Variants in CLSTN2 observed in about 807,000 individuals in gnomAD.
The protein encoded by CLSTN2 is calsyntenin 2.
Under a neutral mutation model 101.2 loss-of-function variants are expected in CLSTN2, and 48 were observed. The ratio of observed to expected loss-of-function variants is 0.47; its 90% confidence interval spans 0.38 to 0.60. The LOEUF is 0.60. CLSTN2 is among the 20% of genes least tolerant of loss of function. The pLI is 0.00. For missense variants in CLSTN2, 1,160 were observed against 1,238.2 expected (o/e 0.94, Z 0.95); for synonymous variants, 481 against 463.6 (o/e 1.04, Z -0.48).
In CLSTN2 at chr3:140,546,644, A is replaced by T. The variant is rs1426243047; in HGVS notation, c.1637A>T (p.Asp546Val). 2 of 1,613,774 alleles carry T rather than the reference A, an allele frequency of 1.2e-6. No homozygotes were observed. Among genetic ancestry groups the T allele is most frequent in the Non-Finnish European group, 1.7e-6 (2 of 1,179,924 alleles). ...SCLQACKEGL[D>V]INSLESLGQG... ...CTGCAGGCCTGCAAGGAAGGGCTGG[A>T]CATTAATTCCTTGGAAAGCCTTGGC... Residue 546 changes from aspartate (D) to valine (V), a missense_variant, in exon 10 of 17, where the codon GAC becomes GTC. By Grantham distance (152) the Asp-to-Val change is radical. Coordinates refer to ENST00000458420, the MANE Select transcript of CLSTN2 (RefSeq NM_022131.3).
intron 2 of CLSTN2, among the ~76,000 whole-genome samples, chr3:140,339,094 T>C (rs1297138387): frequency 1.3e-5 from 2 of 152,218 alleles, no homozygotes; most frequent in South Asian, 2.1e-4. Flanking sequence ...ATCTGCTCCT[T>C]GGATGCTGGC....
intron 5 of CLSTN2, among the ~76,000 whole-genome samples, chr3:140,436,234 T>C (rs145852010): frequency 2.1e-3 from 322 of 152,348 alleles, no homozygotes; most frequent in African/African-American, 7.4e-3. Context: ...TATTTAAGTG[T>C]TTAATTCATT....
chr3:140,114,497 C>T (rs530234002), intron 1 of CLSTN2, among the ~76,000 whole-genome samples: 1 of 152,274 alleles, frequency 6.6e-6, no homozygotes, highest in South Asian at 2.1e-4. Context: ...GCTGAATCAC[C>T]TAGCCCAAGC....
At chr3:140,161,373 A>G (rs1367910313) in intron 1 of CLSTN2, among the ~76,000 whole-genome samples, 1 of 152,174 alleles carries the variant, frequency 6.6e-6, no homozygotes, top group Non-Finnish European at 1.5e-5. Context: ...AGTTTCTCCA[A>G]CCAGGTTGCA....
chr3:140,433,841 G>A (rs1188052202), intron 5 of CLSTN2, among the ~76,000 whole-genome samples: 1 of 152,224 alleles, frequency 6.6e-6, no homozygotes, highest in Non-Finnish European at 1.5e-5. Flanking sequence ...TGGCCAGCCT[G>A]TCAGCATTAT....
At chr3:140,307,576 C>T (rs150144125) in intron 2 of CLSTN2, among the ~76,000 whole-genome samples, 157 of 152,270 alleles carry the variant, frequency 1.0e-3, no homozygotes, top group Admixed American at 3.6e-3. Flanking sequence ...ACTTTGGAGG[C>T]GGTACTTAGT....
intron 5 of CLSTN2, among the ~76,000 whole-genome samples, chr3:140,444,385 G>A (rs994318190): frequency 1.3e-5 from 2 of 151,538 alleles, no homozygotes; most frequent in African/African-American, 2.4e-5. Flanking sequence ...GGCTGAGATT[G>A]TGCCATTGCA....
chr3:140,257,561 GGTGTGTGTGTGTGTGT>G (rs397877641), intron 2 of CLSTN2, among the ~76,000 whole-genome samples: 2 of 93,008 alleles, frequency 2.2e-5, no homozygotes, highest in Admixed American at 9.0e-5. Context: ...TCTTTCTAGG[GGTGTGTGTGTGTGTGT>G]GTGTGTGTGT....
intron 1 of CLSTN2, among the ~76,000 whole-genome samples, chr3:139,949,251 G>A (rs1022250607): frequency 3.9e-5 from 6 of 152,160 alleles, no homozygotes; most frequent in Admixed American, 2.6e-4. Context: ...TCTCAGACTC[G>A]GTCTAACGCT....
Position 140,036,457 on chromosome 3 carries a change from T to C in CLSTN2, c.109+100974T>C, listed in dbSNP as rs140732556. 7.0e-4 allele frequency among the ~76,000 whole-genome samples: 107 copies of C among 152,276 alleles called. No homozygotes were observed. The East Asian group carries it at 0.015, about 21-fold the overall frequency. On this transcript the variant is annotated intron_variant, in intron 1 of 16. Coordinates refer to ENST00000458420, the MANE Select transcript of CLSTN2 (RefSeq NM_022131.3). ...AGAATCAGAGGGCATTGTTCATCTC[T>C]ACCTTTTCTAGTTGATACTTTTGTT...
chr3:140,488,463 T>C (rs1934281147), intron 8 of CLSTN2, among the ~76,000 whole-genome samples: 1 of 151,912 alleles, frequency 6.6e-6, no homozygotes, highest in Admixed American at 6.6e-5. Context: ...TCAATGATGG[T>C]AATGAATGTA....
At chr3:140,124,210 G>A (rs768763140) in intron 1 of CLSTN2, among the ~76,000 whole-genome samples, 6 of 152,152 alleles carry the variant, frequency 3.9e-5, no homozygotes, top group Non-Finnish European at 7.3e-5. Context: ...TTGAAAAATA[G>A]AAGCCTAGTA....
chr3:140,530,599 C>T (rs1446634435), intron 8 of CLSTN2, among the ~76,000 whole-genome samples: 2 of 152,190 alleles, frequency 1.3e-5, no homozygotes, highest in Non-Finnish European at 2.9e-5. Context: ...TGAAATAATG[C>T]CAGAGGATTA....
At chr3:140,519,604 T>TC (rs377754289) in intron 8 of CLSTN2, among the ~76,000 whole-genome samples, 3,412 of 152,186 alleles carry the variant, frequency 0.022, 52 homozygotes, top group Middle Eastern at 0.044. Flanking sequence ...TCTTTTTTTT[T>TC]CTTTATTGGT....
Position 140,556,469 on chromosome 3 carries a change from A to T in CLSTN2, c.1675-44A>T, listed in dbSNP as rs7641958. ...GAAGTGCTCCCATAAAACCATGTAC[A>T]TCACTGACCATTCTCTTCCATGATG... On this transcript the variant is annotated intron_variant, in intron 10 of 16. Transcript: ENST00000458420. 3,754 of 1,607,632 alleles carry T rather than the reference A, an allele frequency of 2.3e-3. 57 individuals are homozygous for T. The African/African-American group carries it at 0.036, about 16-fold the overall frequency.
intron 1 of CLSTN2, among the ~76,000 whole-genome samples, chr3:140,026,337 T>G (rs1393447762): frequency 6.6e-6 from 1 of 152,132 alleles, no homozygotes; most frequent in Non-Finnish European, 1.5e-5. Context: ...TTTCAGTAAG[T>G]AAAATAAATA....
intron 2 of CLSTN2, among the ~76,000 whole-genome samples, chr3:140,358,211 C>G (rs905733105): frequency 5.3e-5 from 8 of 152,196 alleles, no homozygotes; most frequent in South Asian, 2.1e-4. Context: ...GCCAAGCCCC[C>G]CCTCCATCTG....
chr3:140,116,532 A>T (rs12107253), intron 1 of CLSTN2, among the ~76,000 whole-genome samples: 35,735 of 151,988 alleles, frequency 0.24, 4,358 homozygotes, highest in South Asian at 0.27. Flanking sequence ...GGGTGGGGTC[A>T]GTGAGGCTCC....
At chr3:140,332,757 T>C (rs565308390) in intron 2 of CLSTN2, among the ~76,000 whole-genome samples, 99 of 151,088 alleles carry the variant, frequency 6.6e-4, no homozygotes, top group African/African-American at 2.3e-3. Context: ...CCGACAGAGA[T>C]AGGTAGGAGA....
Sources: allele counts gnomAD v4.1 joint callset (sites outside exome capture counted in the v4.1 genomes callset), GRCh38; gene constraint gnomAD v4.1.1; transcripts MANE v1.5; gene names NCBI Gene and HGNC (gene_info 2026-07-23, HGNC 2026-07-21).